ROBO2: variants seen among roughly 807,000 people sequenced by gnomAD.
The protein encoded by ROBO2 is roundabout homolog 2.
Under a neutral mutation model 160.8 loss-of-function variants are expected in ROBO2, and 53 were observed. That is an observed-to-expected ratio of 0.33 (90% CI 0.26 to 0.41). The LOEUF (loss-of-function observed/expected upper bound fraction) is 0.41. ROBO2 is among the 10% of genes least tolerant of loss of function. The probability of loss-of-function intolerance (pLI) is 1.00; values close to 1 mark genes in which losing one functional copy is unlikely to be tolerated. For missense variants in ROBO2, 1,577 were observed against 1,722.4 expected, an observed-to-expected ratio of 0.92 and a Z score of 1.49; for synonymous variants, 664 against 611.7, an observed-to-expected ratio of 1.09 and a Z score of -1.26.
chr3:77,031,047 A>T (rs1014534001), intron 2 of ROBO2, among the ~76,000 whole-genome samples: 4 of 152,130 alleles, frequency 2.6e-5, no homozygotes, highest in African/African-American at 9.7e-5. Context: ...CTGGTAACAA[A>T]TATTTCCAGC....
At chr3:76,843,316 G>A (rs536149070) in intron 2 of ROBO2, among the ~76,000 whole-genome samples, 18 of 151,760 alleles carry the variant, frequency 1.2e-4, no homozygotes, top group African/African-American at 2.7e-4. Flanking sequence ...TCTGCTTCCA[G>A]AAGAAGGGTT....
rs139288222 is a variant in ROBO2 at position 76,033,911 on chromosome 3, T to A, written c.109+96309T>A. ...TAATAGGAGATCCTGGAATTCTTTA[T>A]GTGGAGCTGAATTCCGAAAGGGAAA... is the stretch of plus-strand genomic sequence containing the variant. On this transcript the variant is annotated intron_variant, in intron 2 of 26. Transcript: ENST00000487694. Among the ~76,000 whole-genome samples the A allele has an allele frequency of 7.2e-3, 1,093 of 152,306 alleles. 18 individuals carry two copies. Among genetic ancestry groups the A allele is most frequent in the African/African-American group, 0.025 (1,057 of 41,566 alleles).
chr3:76,325,725 AAAC>A lies in ROBO2; in HGVS notation c.109+388130_109+388132del, dbSNP rs373212388. 3.1e-4 allele frequency among the ~76,000 whole-genome samples: 47 copies of A among 152,166 alleles called. No homozygotes were observed. The East Asian group carries it at 5.8e-3, about 19-fold the overall frequency. ...GAATAAAAGGCCAAATTAAAAAAAAAAACAACAACCCTGTTTTGATATTGTTAA... is the reference window on the plus strand; with the variant it reads ...GAATAAAAGGCCAAATTAAAAAAAAAAACAACCCTGTTTTGATATTGTTAA... On this transcript the variant is annotated intron_variant, in intron 2 of 26. Coordinates refer to the ROBO2 transcript ENST00000487694.
intron 2 of ROBO2, among the ~76,000 whole-genome samples, chr3:76,055,783 G>A (rs1468171873): frequency 6.6e-6 from 1 of 151,134 alleles, no homozygotes; most frequent in Non-Finnish European, 1.5e-5. Flanking sequence ...TTTTTGAGAC[G>A]GAGTCTCGCT....
chr3:76,049,383 G>GTGTGTA lies in ROBO2; in HGVS notation c.109+111782_109+111783insGTGTAT, dbSNP rs1440395230. Among the ~76,000 whole-genome samples, 135 of 36,776 alleles carry GTGTGTA rather than the reference G, an allele frequency of 3.7e-3. 4 individuals carry two copies. Among genetic ancestry groups the GTGTGTA allele is most frequent in the Non-Finnish European group, 4.9e-3 (90 of 18,518 alleles). The allele number at this position is 36,776 out of a possible 152,430, so 24.1% of individuals were successfully genotyped here. ...ATGCCACCACCCCTGGCTAATTTTAGTATATATATATATATATATATTTTT... is the reference window on the plus strand; with the variant it reads ...ATGCCACCACCCCTGGCTAATTTTAGTGTGTATATATATATATATATATATATTTTT... On this transcript the variant is annotated intron_variant, in intron 2 of 26. Coordinates refer to the ROBO2 transcript ENST00000487694.
intron 2 of ROBO2, among the ~76,000 whole-genome samples, chr3:76,124,405 A>G (rs1368487473): frequency 6.6e-6 from 1 of 152,086 alleles, no homozygotes; most frequent in Non-Finnish European, 1.5e-5. Context: ...CCTTTTAGGA[A>G]CAATTGTTAT....
intron 2 of ROBO2, among the ~76,000 whole-genome samples, chr3:77,261,044 G>A (rs2058740861): frequency 6.6e-6 from 1 of 152,178 alleles, no homozygotes; most frequent in Non-Finnish European, 1.5e-5. Flanking sequence ...GGCATTCCCA[G>A]GCTCACGGTT....
chr3:75,956,606 G>A (rs1948730347), intron 2 of ROBO2, among the ~76,000 whole-genome samples: 1 of 151,690 alleles, frequency 6.6e-6, no homozygotes, highest in African/African-American at 2.4e-5. Context: ...AGATGAGCCT[G>A]GAAATATCAA....
At chr3:76,217,705 G>A (rs1462289651) in intron 2 of ROBO2, among the ~76,000 whole-genome samples, 2 of 152,138 alleles carry the variant, frequency 1.3e-5, no homozygotes, top group East Asian at 3.9e-4. Context: ...AGGACCAGAT[G>A]GATATACAGC....
At chr3:77,300,236 A>G (rs1464095714) in intron 2 of ROBO2, among the ~76,000 whole-genome samples, 2 of 148,662 alleles carry the variant, frequency 1.3e-5, no homozygotes, top group African/African-American at 2.5e-5. Context: ...CTCTGCCTAG[A>G]GTTTTACCAT....
At chr3:76,940,526 A>G (rs895977077) in intron 2 of ROBO2, among the ~76,000 whole-genome samples, 1 of 152,216 alleles carries the variant, frequency 6.6e-6, no homozygotes, top group Non-Finnish European at 1.5e-5. Context: ...GCTTTTTAAA[A>G]TTGTATTCAT....
intron 2 of ROBO2, among the ~76,000 whole-genome samples, chr3:76,834,078 C>A (rs1310064810): frequency 5.2e-5 from 5 of 96,124 alleles, no homozygotes; most frequent in African/African-American, 2.0e-4. Context: ...TTCTTTCTTT[C>A]TTTCTTTCTT....
intron 2 of ROBO2, among the ~76,000 whole-genome samples, chr3:76,748,800 A>G (rs903962779): frequency 1.3e-5 from 2 of 151,942 alleles, no homozygotes; most frequent in Non-Finnish European, 2.9e-5. Flanking sequence ...TTTAAAATGT[A>G]CATATTCTTT....
chr3:77,091,874 G>A (rs143647025), intron 1 of ROBO2, among the ~76,000 whole-genome samples: 7,245 of 151,898 alleles, frequency 0.048, 192 homozygotes, highest in Middle Eastern at 0.13. Flanking sequence ...CAGCTACCCA[G>A]GAGTCTGAGG....
chr3:77,072,138 G>C (rs1034964069), intron 1 of ROBO2, among the ~76,000 whole-genome samples: 19 of 152,222 alleles, frequency 1.2e-4, no homozygotes, highest in African/African-American at 4.6e-4. Flanking sequence ...TTTGTGAACT[G>C]TGCATTCGAG....
chr3:75,997,397 T>G (rs1176108426), intron 2 of ROBO2, among the ~76,000 whole-genome samples: 1 of 152,142 alleles, frequency 6.6e-6, no homozygotes, highest in African/African-American at 2.4e-5. Context: ...TTTAAATATA[T>G]CTCTGCAAAA....
intron 2 of ROBO2, among the ~76,000 whole-genome samples, chr3:76,168,503 A>G (rs924850323): frequency 2.0e-5 from 3 of 152,058 alleles, no homozygotes; most frequent in Non-Finnish European, 4.4e-5. Flanking sequence ...AGGTATCAGT[A>G]TTTTCTCTCT....
At chr3:77,347,557 AT>A (rs1560588065) in intron 2 of ROBO2, among the ~76,000 whole-genome samples, 2 of 151,768 alleles carry the variant, frequency 1.3e-5, no homozygotes, top group African/African-American at 4.8e-5. Context: ...CATAATTTGT[AT>A]TTTTTTCTTA....
Position 76,829,818 on chromosome 3 carries a change from G to A in ROBO2, c.110-268196G>A, listed in dbSNP as rs993382886. On this transcript the variant is annotated intron_variant, in intron 2 of 26. Coordinates refer to the ROBO2 transcript ENST00000487694. The stretch of plus-strand genomic sequence containing the variant: ...CAAGTAGCTGGGATTACAGGCATGC[G>A]CCACCATGCCCGGCTAATTTTGTAT... 5.9e-5 allele frequency among the ~76,000 whole-genome samples: 9 copies of A among 152,072 alleles called. No individual in the cohort carries two copies. In the South Asian group the frequency reaches 8.3e-4, roughly 14 times the overall value.
Sources: allele counts gnomAD v4.1 joint callset (sites outside exome capture counted in the v4.1 genomes callset), GRCh38; gene constraint gnomAD v4.1.1; transcripts MANE v1.5; gene names NCBI Gene and HGNC (gene_info 2026-07-23, HGNC 2026-07-21).